Variants in SLCO3A1 observed in about 807,000 individuals in gnomAD.
SLCO3A1 encodes PGE1 transporter.
SLCO3A1 carries 27 observed loss-of-function variants against 63.1 expected under a neutral mutation model. The observed-to-expected ratio is 0.43, with a 90% CI of 0.32 to 0.59. SLCO3A1 has a LOEUF of 0.59. SLCO3A1 is among the 20% of genes least tolerant of loss of function. The pLI is 0.09. For synonymous variants in SLCO3A1, 473 were observed against 409.9 expected (o/e 1.15, Z -1.86); for missense variants, 773 against 945.8 (o/e 0.82, Z 2.40).
rs972345785 is a variant in SLCO3A1, at chr15:91,854,212, G to A, written c.180+124G>A. ...GCGGGCATGACCTCGGCCCGGCGTG[G>A]AGGTTGGCGAGTGGTGCAGAGGCGG... On this transcript the variant is annotated intron_variant, in intron 1 of 9. Coordinates refer to ENST00000318445, the MANE Select transcript of SLCO3A1 (RefSeq NM_013272.4). This position sits in a 1 kb window ranked among gnomAD's most constrained non-coding sequence, Gnocchi z 6.4. 3.8e-5 allele frequency: 43 copies of A among 1,139,180 alleles called. No individual in the cohort carries two copies. Among genetic ancestry groups the A allele is most frequent in the Non-Finnish European group, 4.3e-5 (38 of 891,272 alleles). 70.6% of individuals were successfully genotyped at this position (1,139,180 alleles called of 1,614,324 possible).
intron 1 of SLCO3A1, among the ~76,000 whole-genome samples, chr15:91,915,453 T>G (rs1446823583): frequency 6.6e-6 from 1 of 152,052 alleles, no homozygotes; most frequent in Non-Finnish European, 1.5e-5. Context: ...AAAGAGCAAA[T>G]GATTACCCCG....
intron 7 of SLCO3A1, among the ~76,000 whole-genome samples, chr15:92,134,290 G>A (rs897750434): frequency 6.6e-6 from 1 of 152,192 alleles, no homozygotes; most frequent in Non-Finnish European, 1.5e-5. Context: ...CCTGGTAATG[G>A]CTTGTCAGAA....
chr15:92,168,510 C>T (rs1008011347), downstream of SLCO3A1, among the ~76,000 whole-genome samples: 1 of 152,196 alleles, frequency 6.6e-6, no homozygotes, highest in Non-Finnish European at 1.5e-5. Context: ...CAAAGACCGT[C>T]GGTGACTGAG....
At chr15:92,037,420 C>T (rs115603288) in intron 2 of SLCO3A1, among the ~76,000 whole-genome samples, 1 of 152,116 alleles carries the variant, frequency 6.6e-6, no homozygotes, top group Non-Finnish European at 1.5e-5. Context: ...CCCAGATCCC[C>T]GACTCTAAAT....
intron 2 of SLCO3A1, among the ~76,000 whole-genome samples, chr15:92,056,638 C>T (rs894937363): frequency 1.3e-5 from 2 of 152,196 alleles, no homozygotes; most frequent in African/African-American, 4.8e-5. Flanking sequence ...CCTATAATTT[C>T]CCTTTCAAAC....
intron 2 of SLCO3A1, among the ~76,000 whole-genome samples, chr15:92,040,436 G>A (rs942735923): frequency 3.3e-5 from 5 of 152,150 alleles, no homozygotes; most frequent in Non-Finnish European, 7.3e-5. Flanking sequence ...TTTCTAATGA[G>A]CATTTGAATC....
At chr15:91,867,067 C>A (rs1203868549) in intron 1 of SLCO3A1, among the ~76,000 whole-genome samples, 1 of 152,186 alleles carries the variant, frequency 6.6e-6, no homozygotes, top group Non-Finnish European at 1.5e-5. Context: ...AAACCCAGGG[C>A]CACAGCCGGG....
intron 3 of SLCO3A1, among the ~76,000 whole-genome samples, chr15:92,098,435 T>C (rs1428959801): frequency 6.6e-6 from 1 of 152,202 alleles, no homozygotes; most frequent in Non-Finnish European, 1.5e-5. Context: ...CCCTGAGAGC[T>C]GGGGGAGGAA....
chr15:92,025,707 G>T (rs552041076), intron 2 of SLCO3A1, among the ~76,000 whole-genome samples: 1 of 152,148 alleles, frequency 6.6e-6, no homozygotes. Flanking sequence ...TATGAGTTTA[G>T]TGTTAAACTG....
intron 2 of SLCO3A1, among the ~76,000 whole-genome samples, chr15:91,935,342 A>C (rs1899372568): frequency 2.0e-5 from 3 of 152,312 alleles, no homozygotes; most frequent in Admixed American, 2.0e-4. Context: ...AACACAAGGG[A>C]CTTTTGTAAA....
At chr15:91,955,315 C>G (rs193265415) in intron 2 of SLCO3A1, among the ~76,000 whole-genome samples, 68 of 151,830 alleles carry the variant, frequency 4.5e-4, no homozygotes, top group African/African-American at 1.6e-3. Flanking sequence ...GGCTGCTTTT[C>G]ATTCTATGTC....
intron 8 of SLCO3A1, chr15:92,149,689 G>C (rs1037053507): frequency 6.6e-6 from 1 of 152,240 alleles, no homozygotes; most frequent in African/African-American, 2.4e-5. Flanking sequence ...CTCAAGCCAA[G>C]AAGGATTCTT....
intron 2 of SLCO3A1, among the ~76,000 whole-genome samples, chr15:92,039,477 A>G (rs1242899935): frequency 6.6e-6 from 1 of 152,260 alleles, no homozygotes; most frequent in Non-Finnish European, 1.5e-5. Flanking sequence ...AAAGCTCCAT[A>G]TCACTGATCA....
At chr15:92,020,310 C>A (rs893565387) in intron 2 of SLCO3A1, among the ~76,000 whole-genome samples, 1 of 152,144 alleles carries the variant, frequency 6.6e-6, no homozygotes, top group Non-Finnish European at 1.5e-5. Flanking sequence ...TCCCCCATAG[C>A]GCACATTTTT....
chr15:91,892,127 C>T (rs1342934167), intron 1 of SLCO3A1, among the ~76,000 whole-genome samples: 1 of 152,124 alleles, frequency 6.6e-6, no homozygotes, highest in African/African-American at 2.4e-5. Flanking sequence ...GTGTAATCTC[C>T]CCAACAGCCT....
At chr15:92,151,237 G>A (rs1019952630) in intron 9 of SLCO3A1, 73 of 457,688 alleles carry the variant, frequency 1.6e-4, no homozygotes, top group Middle Eastern at 1.2e-3. Context: ...TTATCTTCAC[G>A]CCACCGTGAA....
Position 92,073,918 on chromosome 15 carries a change from C to T in SLCO3A1, c.647-20963C>T, listed in dbSNP as rs148022928. On this transcript the variant is annotated intron_variant, in intron 2 of 9. Coordinates refer to ENST00000318445, the MANE Select transcript of SLCO3A1 (RefSeq NM_013272.4). ...GCACCGTGGCTCACGCCTGTAATCC[C>T]AGCACTTTGGGAGGCCAAGGCAGGT... 6.8e-3 allele frequency among the ~76,000 whole-genome samples: 1,030 copies of T among 152,338 alleles called. 12 individuals are homozygous for T. Among genetic ancestry groups the T allele is most frequent in the African/African-American group, 0.022 (913 of 41,570 alleles).
At chr15:92,131,440 C>G (rs140991185) in intron 7 of SLCO3A1, among the ~76,000 whole-genome samples, 1,926 of 113,682 alleles carry the variant, frequency 0.017, 158 homozygotes, top group African/African-American at 0.053. Flanking sequence ...CCTCGGCTCA[C>G]TGCAACCTCT....
chr15:91,965,974 G>A (rs1597166716), intron 2 of SLCO3A1, among the ~76,000 whole-genome samples: 2 of 152,194 alleles, frequency 1.3e-5, no homozygotes, highest in Non-Finnish European at 2.9e-5. Context: ...TTCTGAATTC[G>A]GTGTCATTTT....
Sources: allele counts gnomAD v4.1 joint callset (sites outside exome capture counted in the v4.1 genomes callset), GRCh38; gene constraint gnomAD v4.1.1; non-coding constraint Gnocchi (gnomAD v3.1); transcripts MANE v1.5; gene names NCBI Gene and HGNC (gene_info 2026-07-23, HGNC 2026-07-21).